Variants in TENM1 observed in about 807,000 individuals in gnomAD.
The protein encoded by TENM1 is teneurin-1.
Under a neutral mutation model 174.8 loss-of-function variants are expected in TENM1, and 35 were observed. That is an observed-to-expected ratio of 0.20 (90% CI 0.15 to 0.27). TENM1 has a LOEUF of 0.27. Among genes scored for constraint, TENM1 ranks in the 10% least tolerant of loss-of-function variants. The pLI, the probability that TENM1 is intolerant of heterozygous loss-of-function variation, is 1.00. For synonymous variants in TENM1, 781 were observed against 798.7 expected, an observed-to-expected ratio of 0.98 and a Z score of 0.37; for missense variants, 1,633 against 2,130.1, an observed-to-expected ratio of 0.77 and a Z score of 4.59.
At chrX:124,536,154 G>C (rs2048201837) in intron 15 of TENM1, among the ~76,000 whole-genome samples, 1 of 110,792 alleles carries the variant, frequency 9.0e-6, no homozygotes, top group Admixed American at 9.6e-5. Context: ...GATATTTTGG[G>C]GGTTTCCTTA....
chrX:124,696,071 T>C (rs1198051292), intron 5 of TENM1, among the ~76,000 whole-genome samples: 7 of 112,141 alleles, frequency 6.2e-5, no homozygotes, highest in Non-Finnish European at 1.1e-4. Flanking sequence ...CATCTGGCTT[T>C]CAATACTCCC....
intron 1 of TENM1, among the ~76,000 whole-genome samples, chrX:124,931,328 A>T (rs1181768862): frequency 9.0e-6 from 1 of 111,066 alleles, no homozygotes; most frequent in East Asian, 2.8e-4. Flanking sequence ...GAGGGTTGAC[A>T]GCCAAACCTT....
Position 124,634,781 on chromosome X carries a change from A to T in TENM1, c.2077+7010T>A, listed in dbSNP as rs190594913. On this transcript the variant is annotated intron_variant, in intron 11 of 31. Transcript: ENST00000422452. ...AGAACTAATAATGTTTTTAAAGCAT[A>T]TGGTACTTGTATAATCAAGGAAAGT... Among the ~76,000 whole-genome samples the T allele has an allele frequency of 3.5e-3, 398 of 112,134 alleles. 1 individual carries two copies. The highest frequency in any genetic ancestry group is 6.4e-3 in the Non-Finnish European group (338 of 53,084).
exon 32 of TENM1, chrX:124,380,488 T>C (rs1163314123): frequency 8.9e-7 from 1 of 1,126,607 alleles, no homozygotes; most frequent in East Asian, 3.0e-5. Context: ...CCATTTTATG[T>C]TTTAAAAACA....
chrX:125,068,675 G>A, the TENM1 span, among the ~76,000 whole-genome samples: 2 of 111,385 alleles, frequency 1.8e-5, no homozygotes, highest in Non-Finnish European at 3.8e-5. Flanking sequence ...GATATATTAA[G>A]GACTTGTTTT....
intron 14 of TENM1, among the ~76,000 whole-genome samples, chrX:124,553,894 C>T (rs1181494783): frequency 9.0e-6 from 1 of 111,618 alleles, no homozygotes; most frequent in African/African-American, 3.3e-5. Context: ...CACTTGATGT[C>T]AGGAGTTTGA....
chrX:124,819,957 G>A (rs2055999048), intron 3 of TENM1, among the ~76,000 whole-genome samples: 1 of 109,593 alleles, frequency 9.1e-6, no homozygotes, highest in African/African-American at 3.3e-5. Context: ...CATCACGCCA[G>A]GCTAATCTTA....
At chrX:125,063,016 GATTA>G in the TENM1 span, among the ~76,000 whole-genome samples, 4 of 112,264 alleles carry the variant, frequency 3.6e-5, no homozygotes, top group Non-Finnish European at 5.6e-5. Context: ...TAAAGTAGCT[GATTA>G]ATTTGTCTCT....
At chrX:124,463,575 CA>C (rs1180997738) in intron 22 of TENM1, among the ~76,000 whole-genome samples, 1 of 111,042 alleles carries the variant, frequency 9.0e-6, no homozygotes, top group Non-Finnish European at 1.9e-5. Flanking sequence ...TTAGATTCAC[CA>C]TAGAGACAAT....
exon 32 of TENM1, chrX:124,380,240 A>T (rs1433117424): frequency 8.5e-6 from 2 of 235,548 alleles, no homozygotes; most frequent in African/African-American, 5.8e-5. Context: ...ATTGGAACAT[A>T]TGCATGGCTC....
At chrX:124,598,908 T>C (rs193167309) in intron 11 of TENM1, among the ~76,000 whole-genome samples, 3 of 111,775 alleles carry the variant, frequency 2.7e-5, no homozygotes, top group Admixed American at 9.5e-5. Context: ...AAGAGTATAA[T>C]TGGATTGTTT....
chrX:125,028,578 C>T, the TENM1 span, among the ~76,000 whole-genome samples: 4 of 111,238 alleles, frequency 3.6e-5, no homozygotes, highest in Admixed American at 3.8e-4. Flanking sequence ...ATAATGGGTA[C>T]TGGGCTTAAT....
At chrX:124,908,349 T>A (rs1439034559) in intron 1 of TENM1, among the ~76,000 whole-genome samples, 3 of 110,580 alleles carry the variant, frequency 2.7e-5, no homozygotes, top group Non-Finnish European at 1.9e-5. Context: ...CAGGCCCCAG[T>A]GTATGACGTT....
intron 22 of TENM1, among the ~76,000 whole-genome samples, chrX:124,480,468 T>C (rs2046818388): frequency 1.8e-5 from 2 of 112,277 alleles, no homozygotes; most frequent in South Asian, 3.7e-4. Flanking sequence ...ATTAAACACA[T>C]TGACCTCACT....
At chrX:125,088,065 T>A in the TENM1 span, among the ~76,000 whole-genome samples, 7 of 111,226 alleles carry the variant, frequency 6.3e-5, no homozygotes, top group African/African-American at 2.3e-4. Context: ...CCAGGTGATC[T>A]AAGGCCAGCA....
chrX:124,685,040 G>A (rs1012514298), intron 5 of TENM1, among the ~76,000 whole-genome samples: 2 of 110,620 alleles, frequency 1.8e-5, no homozygotes, highest in African/African-American at 6.6e-5. Context: ...AGCTTCTCCT[G>A]GTGAAGCCAG....
rs1328497067 is a variant in TENM1, at chrX:124,755,716, T to A, written c.536-18519A>T. ...CAAAATCTCTCAGCATTTGCTTGTC[T>A]GTAAAGTATTTTATTTCTCCTTCAC... On this transcript the variant is annotated intron_variant, in intron 3 of 31. Coordinates refer to ENST00000422452, the Ensembl canonical transcript of TENM1. Among the ~76,000 whole-genome samples, 15 of 109,506 alleles carry A rather than the reference T, an allele frequency of 1.4e-4. No individual in the cohort carries two copies. In the Admixed American group the frequency reaches 1.4e-3, roughly 11 times the overall value.
At chrX:124,601,222 G>C (rs779178624) in intron 11 of TENM1, among the ~76,000 whole-genome samples, 1 of 111,448 alleles carries the variant, frequency 9.0e-6, no homozygotes, top group East Asian at 2.8e-4. Flanking sequence ...AGGAGAACGT[G>C]GGATTCAAAA....
chrX:124,967,238 C>T (rs139900727), upstream of TENM1, among the ~76,000 whole-genome samples: 2,582 of 110,645 alleles, frequency 0.023, 42 homozygotes, highest in Non-Finnish European at 0.037. Context: ...GCTATGGAAA[C>T]CTAAGAAGAA....
Sources: allele counts gnomAD v4.1 joint callset (sites outside exome capture counted in the v4.1 genomes callset), GRCh38; gene constraint gnomAD v4.1.1; transcripts MANE v1.5; gene names NCBI Gene and HGNC (gene_info 2026-07-23, HGNC 2026-07-21).